NMRAL1: variants seen among roughly 807,000 people sequenced by gnomAD.
NMRAL1 encodes nmrA-like family domain-containing protein 1.
NMRAL1 carries 32 observed loss-of-function variants against 27.5 expected under a neutral mutation model. The observed-to-expected ratio is 1.16, with a 90% CI of 0.88 to 1.56. The LOEUF (loss-of-function observed/expected upper bound fraction) is 1.56, where lower values mean the gene tolerates loss of function less well. Ranked by LOEUF, NMRAL1 falls within the 40% of genes most tolerant of loss-of-function variation. The pLI, the probability that NMRAL1 is intolerant of heterozygous loss-of-function variation, is 0.00. For missense variants in NMRAL1, 420 were observed against 392.0 expected (o/e 1.07, Z -0.60); for synonymous variants, 166 against 166.8 (o/e 1.00, Z 0.04).
rs777664689 is a variant in NMRAL1 at position 4,466,315 on chromosome 16, C to G, written c.367G>C (p.Gly123Arg). 1.2e-6 allele frequency: 2 copies of G among 1,614,022 alleles called. No homozygotes were observed. Among genetic ancestry groups the G allele is most frequent in the Admixed American group, 1.7e-5 (1 of 60,024 alleles). Reference sequence around the variant, plus strand: ...TCAAAGTGCGCGGCGGCCAATCTCCCTGCCGTCAGCTTCTTGATGTTCTCC... The same window carrying G: ...TCAAAGTGCGCGGCGGCCAATCTCCGTGCCGTCAGCTTCTTGATGTTCTCC... Reference protein sequence around the residue: ...GLENIKKLTAGRLAAAHFDGK... With the variant: ...GLENIKKLTARRLAAAHFDGK... Residue 123 changes from glycine (G) to arginine (R), a missense_variant, in exon 4 of 6, where the codon GGG (glycine) becomes CGG (arginine). Physicochemically the swap from Gly to Arg is moderately radical, Grantham distance 125. Coordinates refer to ENST00000283429, the MANE Select transcript of NMRAL1 (RefSeq NM_020677.6).
intron 5 of NMRAL1, 184 bp downstream of exon 5, chr16:4,463,476 T>G: frequency 1.7e-6 from 1 of 584,820 alleles, no homozygotes; most frequent in South Asian, 2.4e-5. Flanking sequence ...GGTCAAAACA[T>G]CTAAGCCAGA....
In NMRAL1 at chr16:4,469,004, G is replaced by C. The variant is rs180843898; in HGVS notation, c.279+223C>G. Among the ~76,000 whole-genome samples, 4 of 151,288 alleles carry C rather than the reference G, an allele frequency of 2.6e-5. No individual in the cohort carries two copies. In the East Asian group the frequency reaches 7.7e-4, roughly 29 times the overall value. ...AAAAAAAAACAAACGAACAGGCCAG[G>C]CGTGGTTGCTCACGGAGACTGAGAC... On this transcript the variant is annotated intron_variant, in intron 3 of 5. Transcript: ENST00000283429.
chr16:4,473,550 G>A (rs2057684304), intron 2 of NMRAL1, among the ~76,000 whole-genome samples: 1 of 152,172 alleles, frequency 6.6e-6, no homozygotes, highest in South Asian at 2.1e-4. Context: ...TGAGGTGGAA[G>A]AGGAGGCTAG....
At position 4,466,144 on chromosome 16, in the gene NMRAL1, G is replaced by C; in HGVS notation, c.529+9C>G. The C allele has an allele frequency of 6.2e-7, 1 of 1,613,964 alleles. No individual in the cohort carries two copies. Among genetic ancestry groups the C allele is most frequent in the Non-Finnish European group, 8.5e-7 (1 of 1,179,928 alleles). On this transcript the variant is annotated intron_variant, in intron 4 of 5. Transcript: ENST00000283429. ...CTCTGCCTCACCGTGTGCGAGAAAGGGCACTTACTCAGCAAGTAGCTCTTT... is the reference window on the plus strand; with the variant it reads ...CTCTGCCTCACCGTGTGCGAGAAAGCGCACTTACTCAGCAAGTAGCTCTTT...
chr16:4,470,515 AAGT>A (rs1423966247), intron 2 of NMRAL1, among the ~76,000 whole-genome samples: 1 of 152,088 alleles, frequency 6.6e-6, no homozygotes, highest in Non-Finnish European at 1.5e-5. Flanking sequence ...AAAGTAAAAA[AAGT>A]AGAATACAAA....
intron 2 of NMRAL1, among the ~76,000 whole-genome samples, chr16:4,472,347 CAGG>C (rs982906346): frequency 3.3e-5 from 5 of 151,968 alleles, no homozygotes; most frequent in African/African-American, 4.8e-5. Flanking sequence ...GAGGCTGAGG[CAGG>C]AGAATTGCTT....
chr16:4,472,736 T>G (rs2057618141), intron 2 of NMRAL1, among the ~76,000 whole-genome samples: 1 of 141,144 alleles, frequency 7.1e-6, no homozygotes, highest in African/African-American at 2.8e-5. Flanking sequence ...AGAGCGGGAC[T>G]CTGTCTCAAA....
In NMRAL1 at chr16:4,467,609, C is replaced by A. The variant is rs115601434; in HGVS notation, c.280-1207G>T. On this transcript the variant is annotated intron_variant, in intron 3 of 5. Coordinates refer to ENST00000283429, the MANE Select transcript of NMRAL1 (RefSeq NM_020677.6). ...TCTAGCTTCTAGAATATCAGAGAATCGATTTCTGTGGTTTTTGTTTTTGTT... is the reference window on the plus strand; with the variant it reads ...TCTAGCTTCTAGAATATCAGAGAATAGATTTCTGTGGTTTTTGTTTTTGTT... Among the ~76,000 whole-genome samples the A allele has an allele frequency of 7.0e-3, 1,063 of 151,852 alleles. 11 individuals are homozygous for A. The highest frequency in any genetic ancestry group is 0.025 in the African/African-American group (1,021 of 41,410).
chr16:4,473,585 T>C (rs1053180200), intron 2 of NMRAL1, among the ~76,000 whole-genome samples: 3 of 152,162 alleles, frequency 2.0e-5, no homozygotes, highest in Admixed American at 6.6e-5. Flanking sequence ...TTTGGTATCA[T>C]GTTCAAGTAC....
chr16:4,464,779 TAA>T (rs1157152631), intron 4 of NMRAL1, among the ~76,000 whole-genome samples: 1 of 151,412 alleles, frequency 6.6e-6, no homozygotes, highest in African/African-American at 2.4e-5. Context: ...CACACCCGGC[TAA>T]GTTTTTGTAT....
chr16:4,475,177 T>C (rs1229746964), upstream of NMRAL1, among the ~76,000 whole-genome samples: 1 of 151,972 alleles, frequency 6.6e-6, no homozygotes, highest in Non-Finnish European at 1.5e-5. Context: ...GGTCTCGAAC[T>C]CCTGACTTAA....
At chr16:4,467,574 A>G (rs1270739507) in intron 3 of NMRAL1, among the ~76,000 whole-genome samples, 4 of 151,512 alleles carry the variant, frequency 2.6e-5, no homozygotes. Flanking sequence ...TGACACCTTG[A>G]TTTTGAACTT....
intron 4 of NMRAL1, 138 bp downstream of exon 4, chr16:4,466,015 A>T (rs2141428946): frequency 2.1e-6 from 2 of 961,902 alleles, no homozygotes; most frequent in South Asian, 3.1e-5. Flanking sequence ...AGCTGACAGG[A>T]TGTGCTCAGT....
At chr16:4,470,022 C>T (rs376481132) in intron 2 of NMRAL1, among the ~76,000 whole-genome samples, 3 of 146,454 alleles carry the variant, frequency 2.0e-5, no homozygotes, top group East Asian at 4.1e-4. Context: ...CTTAGCCGGG[C>T]GTGGTGGCAC....
upstream of NMRAL1, chr16:4,476,268 C>CAG (rs2057827644): frequency 6.6e-6 from 1 of 152,350 alleles, no homozygotes; most frequent in Admixed American, 6.5e-5. Context: ...CTGCAACCTC[C>CAG]AGAGACCTGG....
At chr16:4,476,225 A>C (rs1170651468), upstream of NMRAL1, 1 of 152,300 alleles carries the variant, frequency 6.6e-6, no homozygotes, top group Non-Finnish European at 1.5e-5. Context: ...CTGCCGAAGC[A>C]CGCCTACTTA....
chr16:4,463,934 G>A (rs2057214939), intron 4 of NMRAL1, 84 bp from the exon 5 acceptor site: 1 of 1,180,572 alleles, frequency 8.5e-7, no homozygotes, highest in Non-Finnish European at 1.2e-6. Context: ...GGTCCAAGCT[G>A]GTTCTTCCCA....
intron 1 of NMRAL1, 23 bp from the exon 2 acceptor site, chr16:4,474,189 A>G: frequency 1.3e-6 from 2 of 1,577,106 alleles, no homozygotes; most frequent in Admixed American, 1.7e-5. Context: ...GGAGGCGTGG[A>G]GTTGGGGGTG....
At chr16:4,469,540 G>C in intron 2 of NMRAL1, 75 bp from the exon 3 acceptor site, 1 of 1,591,314 alleles carries the variant, frequency 6.3e-7, no homozygotes, top group Non-Finnish European at 8.6e-7. Flanking sequence ...CCCGAAGGGA[G>C]TGCTCCACCA....
Sources: gnomAD v4.1 joint callset for allele counts (sites outside exome capture counted in the v4.1 genomes callset) on GRCh38, gnomAD v4.1.1 for gene constraint, MANE v1.5 for transcripts, NCBI Gene and HGNC (gene_info 2026-07-23, HGNC 2026-07-21) for gene names.